ASS1: variants seen among roughly 807,000 people sequenced by gnomAD.
The protein encoded by ASS1 is argininosuccinate synthase.
A neutral mutation model predicts 60.5 loss-of-function variants in ASS1; 58 were observed. That is an observed-to-expected ratio of 0.96 (90% CI 0.78 to 1.19). The LOEUF (loss-of-function observed/expected upper bound fraction) is 1.19, where lower values mean the gene tolerates loss of function less well. Among genes scored for constraint, ASS1 ranks in the 50% most tolerant of loss-of-function variants. The pLI is 0.00. For synonymous variants in ASS1, 200 were observed against 206.9 expected, an observed-to-expected ratio of 0.97 and a Z score of 0.29; for missense variants, 454 against 547.3, an observed-to-expected ratio of 0.83 and a Z score of 1.70.
intron 1 of ASS1, 153 bp from the exon 2 acceptor site, chr9:130,452,071 T>G (rs113708675): frequency 2.8e-6 from 2 of 727,096 alleles, no homozygotes; most frequent in East Asian, 5.4e-5. Context: ...TGGCAGGCAC[T>G]GAAGGTGAAC....
rs1846025334 is a variant in ASS1, at chr9:130,476,619, G to C, written c.598-252G>C. 8.6e-6 allele frequency: 5 copies of C among 581,878 alleles called. No homozygotes were observed. The allele number at this position is 581,878 out of a possible 1,614,324, so 36.0% of individuals were successfully genotyped here. A position where few individuals can be genotyped will look rare whatever the true frequency, so the allele number is the denominator to read the frequency against. Reference sequence around the variant, plus strand: ...TCCAGCTATTCTACCTCCAGCTGTGGGGGCGTCGAAGAAAAAGATGAGATC... The same window carrying C: ...TCCAGCTATTCTACCTCCAGCTGTGCGGGCGTCGAAGAAAAAGATGAGATC... On this transcript the variant is annotated intron_variant, in intron 8 of 14. Transcript: ENST00000352480. This position sits in a 1 kb window ranked among gnomAD's most constrained non-coding sequence, Gnocchi z 4.9.
intron 13 of ASS1, among the ~76,000 whole-genome samples, chr9:130,498,681 C>T (rs1429923255): frequency 6.6e-6 from 1 of 152,206 alleles, no homozygotes; most frequent in Non-Finnish European, 1.5e-5. Context: ...ACCACCATCA[C>T]GCATTTCACA....
At chr9:130,450,032 A>G (rs1845291609) in intron 1 of ASS1, among the ~76,000 whole-genome samples, 1 of 152,152 alleles carries the variant, frequency 6.6e-6, no homozygotes, top group African/African-American at 2.4e-5. Flanking sequence ...AATTTCCCGC[A>G]ACCCAACCAC....
chr9:130,475,741 GTTT>G (rs35568745), intron 8 of ASS1, among the ~76,000 whole-genome samples: 13 of 101,354 alleles, frequency 1.3e-4, no homozygotes, highest in South Asian at 7.1e-4. Flanking sequence ...TGTGCAAGGT[GTTT>G]TTTTTTTTTT....
At chr9:130,463,238 C>G (rs1049687976) in intron 4 of ASS1, among the ~76,000 whole-genome samples, 3 of 152,250 alleles carry the variant, frequency 2.0e-5, no homozygotes, top group Non-Finnish European at 4.4e-5. Context: ...TCTGGGCTGC[C>G]GAGCCCACGG....
chr9:130,475,088 T>A (rs1412846928), intron 8 of ASS1, among the ~76,000 whole-genome samples: 1 of 152,200 alleles, frequency 6.6e-6, no homozygotes, highest in Non-Finnish European at 1.5e-5. Flanking sequence ...ACTAAGAGGT[T>A]TCTTGGGACA....
At chr9:130,475,631 C>G (rs1177986359) in intron 8 of ASS1, among the ~76,000 whole-genome samples, 2 of 152,150 alleles carry the variant, frequency 1.3e-5, no homozygotes, top group Non-Finnish European at 2.9e-5. Context: ...CCCGCTCAGC[C>G]TCAATTTCTT....
intron 14 of ASS1, among the ~76,000 whole-genome samples, chr9:130,500,577 C>T (rs1184780535): frequency 2.6e-5 from 4 of 152,076 alleles, no homozygotes; most frequent in South Asian, 4.1e-4. Flanking sequence ...TGTTGAAGCC[C>T]GCCCATCTGC....
chr9:130,492,214 G>T (rs1027957164), intron 12 of ASS1, among the ~76,000 whole-genome samples: 7 of 152,192 alleles, frequency 4.6e-5, no homozygotes, highest in African/African-American at 1.4e-4. Context: ...TGGGTTAATG[G>T]TCTTGAGCAG....
chr9:130,481,304 G>T (rs1390085297), intron 11 of ASS1, among the ~76,000 whole-genome samples: 1 of 152,164 alleles, frequency 6.6e-6, no homozygotes, highest in African/African-American at 2.4e-5. Flanking sequence ...GAGGGAAAGA[G>T]CAAGGTTTCA....
intron 4 of ASS1, among the ~76,000 whole-genome samples, chr9:130,458,820 G>A (rs1339818431): frequency 6.6e-6 from 1 of 152,252 alleles, no homozygotes; most frequent in Admixed American, 6.5e-5. Context: ...CTTCTGCTGT[G>A]GGAGCGATGT....
intron 11 of ASS1, among the ~76,000 whole-genome samples, chr9:130,483,473 G>A (rs868766601): frequency 2.0e-5 from 3 of 150,788 alleles, no homozygotes; most frequent in East Asian, 2.0e-4. Context: ...AGCTTTCTCC[G>A]TATTGTGGCT....
At chr9:130,480,832 C>T (rs888740851) in intron 11 of ASS1, among the ~76,000 whole-genome samples, 1 of 152,212 alleles carries the variant, frequency 6.6e-6, no homozygotes, top group East Asian at 1.9e-4. Flanking sequence ...GCATGGAGGC[C>T]GCCGGCCAGG....
intron 1 of ASS1, among the ~76,000 whole-genome samples, chr9:130,448,330 A>G (rs1229813969): frequency 6.6e-6 from 1 of 151,986 alleles, no homozygotes; most frequent in Admixed American, 6.6e-5. Flanking sequence ...ACAGGCACAC[A>G]TGTGCAAGCC....
chr9:130,464,138 A>T lies in ASS1; in HGVS notation c.391A>T (p.Ser131Cys). 6.2e-7 allele frequency: 1 copy of T among 1,613,982 alleles called. No homozygotes were observed. The highest frequency in any genetic ancestry group is 8.5e-7 in the Non-Finnish European group (1 of 1,179,966). The change falls in exon 5 of 15, where the codon AGC becomes TGC. Residue 131 changes from serine to cysteine, a missense_variant. Ser to Cys is a moderately radical substitution (Grantham distance 112, BLOSUM62 -1). Transcript: ENST00000352480. ...GAACGATCAGGTCCGGTTTGAGCTC[A>T]GCTGCTACTCACTGGCCCCCCAGAT... is the stretch of plus-strand genomic sequence containing the variant. ...KGNDQVRFEL[S>C]CYSLAPQIKV...
In ASS1 at chr9:130,452,315, T is replaced by C; in HGVS notation, c.87T>C (p.Tyr29=). The change falls in exon 2 of 15, where the codon TAT becomes TAC. Residue 29 remains tyrosine, a synonymous_variant. Coordinates refer to ENST00000352480, the MANE Select transcript of ASS1 (RefSeq NM_054012.4). ...CILVWLKEQG[Y]DVIAYLANIG... The stretch of plus-strand genomic sequence containing the variant: ...TCGTGTGGCTGAAGGAACAAGGCTA[T>C]GACGTCATTGCCTATCTGGTGAGGG... 1 of 1,614,112 alleles carries C rather than the reference T, an allele frequency of 6.2e-7. No homozygotes were observed.
chr9:130,479,679 GGGCCCAGA>G (rs1380342333), intron 9 of ASS1, 29 bp from the exon 10 acceptor site: 2 of 1,550,434 alleles, frequency 1.3e-6, no homozygotes, highest in Non-Finnish European at 1.8e-6. Flanking sequence ...CCGCTGAGCC[GGGCCCAGA>G]GGCCCACTGC....
intron 4 of ASS1, among the ~76,000 whole-genome samples, chr9:130,462,771 C>T (rs1028435940): frequency 1.2e-4 from 18 of 152,274 alleles, no homozygotes; most frequent in South Asian, 2.1e-4. Context: ...TGTCCTCATC[C>T]GTAAGATGGG....
At chr9:130,469,197 C>G (rs898154050) in intron 6 of ASS1, among the ~76,000 whole-genome samples, 1 of 152,242 alleles carries the variant, frequency 6.6e-6, no homozygotes, top group Admixed American at 6.5e-5. Context: ...GCTGGAGAGT[C>G]CAGTCTTGCC....
Sources: allele counts gnomAD v4.1 joint callset (sites outside exome capture counted in the v4.1 genomes callset), GRCh38; gene constraint gnomAD v4.1.1; non-coding constraint Gnocchi (gnomAD v3.1); transcripts MANE v1.5; gene names NCBI Gene and HGNC (gene_info 2026-07-23, HGNC 2026-07-21).